Variants in KCNIP4 observed in about 807,000 individuals in gnomAD.
KCNIP4 encodes Kv channel-interacting protein 4.
Under a neutral mutation model 34.0 loss-of-function variants are expected in KCNIP4, and 12 were observed. That is an observed-to-expected ratio of 0.35 (90% CI 0.23 to 0.57). KCNIP4 has a LOEUF of 0.57. Among genes scored for constraint, KCNIP4 ranks in the 20% least tolerant of loss-of-function variants. The pLI, the probability that KCNIP4 is intolerant of heterozygous loss-of-function variation, is 0.83. For missense variants in KCNIP4, 238 were observed against 311.7 expected (o/e 0.76, Z 1.78); for synonymous variants, 124 against 102.2 (o/e 1.21, Z -1.29).
rs1553935808 is a variant in KCNIP4, at chr4:21,087,146, A to ATGTGTATG, written c.62-204438_62-204437insCATACACA. On this transcript the variant is annotated intron_variant, in intron 1 of 8. Coordinates refer to ENST00000382152, the MANE Select transcript of KCNIP4 (RefSeq NM_025221.6). The stretch of plus-strand genomic sequence containing the variant: ...AGGCATGCACCACCACTGCTGGGTA[A>ATGTGTATG]TGTGTGTGTGTGTGTGTGTGTGTGT... 8.2e-3 allele frequency among the ~76,000 whole-genome samples: 906 copies of ATGTGTATG among 110,890 alleles called. 15 individuals carry two copies. The highest frequency in any genetic ancestry group is 0.032 in the African/African-American group (850 of 26,788). The allele number at this position is 110,890 out of a possible 152,430, so 72.7% of individuals were successfully genotyped here.
intron 3 of KCNIP4, among the ~76,000 whole-genome samples, chr4:20,837,055 T>C (rs1719133144): frequency 6.6e-6 from 1 of 152,180 alleles, no homozygotes; most frequent in South Asian, 2.1e-4. Context: ...AAGTAGTTGG[T>C]GCTCGATGCT....
At chr4:21,222,868 A>C in intron 1 of KCNIP4, among the ~76,000 whole-genome samples, 1 of 152,202 alleles carries the variant, frequency 6.6e-6, no homozygotes, top group East Asian at 1.9e-4. Flanking sequence ...ACAGGAGGCA[A>C]GTTGTTGGCA....
intron 1 of KCNIP4, among the ~76,000 whole-genome samples, chr4:21,598,485 G>A (rs372953473): frequency 9.2e-5 from 14 of 152,164 alleles, no homozygotes; most frequent in Non-Finnish European, 2.1e-4. Flanking sequence ...GAGTGGTTGT[G>A]TGCCAATAAA....
chr4:21,844,194 T>C (rs550854700), intron 1 of KCNIP4: 45 of 151,946 alleles, frequency 3.0e-4, no homozygotes, highest in Admixed American at 2.9e-3. Context: ...ACACAAGCAA[T>C]TAGAATAGAA....
chr4:21,600,597 T>C (rs1349065118), intron 1 of KCNIP4, among the ~76,000 whole-genome samples: 1 of 152,126 alleles, frequency 6.6e-6, no homozygotes, highest in Non-Finnish European at 1.5e-5. Flanking sequence ...CCTATCTAAC[T>C]GTGTATACTT....
intron 1 of KCNIP4, among the ~76,000 whole-genome samples, chr4:21,640,411 A>C (rs975040103): frequency 6.6e-6 from 1 of 152,202 alleles, no homozygotes; most frequent in Non-Finnish European, 1.5e-5. Context: ...TTTTACACTT[A>C]GGATGAAAAG....
intron 5 of KCNIP4, among the ~76,000 whole-genome samples, chr4:20,735,518 GTTTTTTTTTTTGTTT>G (rs1179184051): frequency 6.9e-5 from 9 of 130,812 alleles, no homozygotes; most frequent in African/African-American, 2.3e-4. Context: ...TTCATTTAGT[GTTTTTTTTTTTGTTT>G]TTTTTTTTTT....
chr4:20,973,716 C>A (rs1357598150), intron 1 of KCNIP4, among the ~76,000 whole-genome samples: 1 of 152,060 alleles, frequency 6.6e-6, no homozygotes, highest in African/African-American at 2.4e-5. Context: ...CACTTAGAGG[C>A]CATTGTAGGA....
At chr4:21,037,561 A>T (rs988396070) in intron 1 of KCNIP4, among the ~76,000 whole-genome samples, 1 of 152,210 alleles carries the variant, frequency 6.6e-6, no homozygotes, top group Non-Finnish European at 1.5e-5. Flanking sequence ...TTGTGTAAGT[A>T]TGCTCTATGA....
At chr4:21,641,452 T>C (rs1484514056) in intron 1 of KCNIP4, among the ~76,000 whole-genome samples, 1 of 152,196 alleles carries the variant, frequency 6.6e-6, no homozygotes, top group Non-Finnish European at 1.5e-5. Flanking sequence ...AGTTGTTCAC[T>C]TTGTTTGGAA....
chr4:21,709,308 A>G (rs1713534052), intron 1 of KCNIP4, among the ~76,000 whole-genome samples: 1 of 152,226 alleles, frequency 6.6e-6, no homozygotes, highest in African/African-American at 2.4e-5. Context: ...AGAGGTTGAG[A>G]GCTGAGTTTC....
intron 1 of KCNIP4, among the ~76,000 whole-genome samples, chr4:21,017,950 C>T (rs1361631256): frequency 3.9e-5 from 6 of 152,068 alleles, no homozygotes; most frequent in Non-Finnish European, 7.4e-5. Flanking sequence ...CAGTGCAAAT[C>T]ACAGTTTTGA....
intron 1 of KCNIP4, among the ~76,000 whole-genome samples, chr4:21,644,074 G>A (rs1746831889): frequency 1.7e-5 from 2 of 118,374 alleles, no homozygotes; most frequent in African/African-American, 6.1e-5. Flanking sequence ...CGGTGTCCTG[G>A]TTTTAAAAAA....
intron 1 of KCNIP4, among the ~76,000 whole-genome samples, chr4:21,001,753 A>C (rs1738157227): frequency 1.3e-5 from 2 of 152,180 alleles, no homozygotes; most frequent in South Asian, 2.1e-4. Context: ...TTAGCAGATA[A>C]GGAAATTGAG....
chr4:21,788,977 G>A (rs899091195), intron 1 of KCNIP4, among the ~76,000 whole-genome samples: 5 of 150,514 alleles, frequency 3.3e-5, no homozygotes, highest in African/African-American at 7.3e-5. Context: ...GGAGGCTGAG[G>A]CAGAAGGATT....
At chr4:21,014,834 C>T (rs1280690293) in intron 1 of KCNIP4, among the ~76,000 whole-genome samples, 1 of 152,104 alleles carries the variant, frequency 6.6e-6, no homozygotes, top group Non-Finnish European at 1.5e-5. Context: ...GCATTATTCA[C>T]AATAGCCCAA....
chr4:20,799,394 G>A (rs911098943), intron 3 of KCNIP4, among the ~76,000 whole-genome samples: 11 of 152,132 alleles, frequency 7.2e-5, no homozygotes, highest in African/African-American at 2.7e-4. Context: ...CAGGCATCTG[G>A]CAGCCCCACT....
intron 1 of KCNIP4, among the ~76,000 whole-genome samples, chr4:21,770,096 T>G (rs1388901015): frequency 6.6e-6 from 1 of 152,068 alleles, no homozygotes; most frequent in Non-Finnish European, 1.5e-5. Context: ...ACCTATTGAC[T>G]TTTCCTTTAA....
At chr4:21,294,454 C>A (rs1763723443) in intron 1 of KCNIP4, among the ~76,000 whole-genome samples, 1 of 152,114 alleles carries the variant, frequency 6.6e-6, no homozygotes, top group Non-Finnish European at 1.5e-5. Flanking sequence ...AAACCTTCCC[C>A]ATTTTCCTGG....
Sources: gnomAD v4.1 joint callset for allele counts (sites outside exome capture counted in the v4.1 genomes callset) on GRCh38, gnomAD v4.1.1 for gene constraint, MANE v1.5 for transcripts, NCBI Gene and HGNC (gene_info 2026-07-23, HGNC 2026-07-21) for gene names.